The following ARHGAP44 variants were observed in gnomAD, a reference collection of about 807,000 sequenced individuals.
ARHGAP44 encodes rho GTPase-activating protein 44.
Under a neutral mutation model 106.8 loss-of-function variants are expected in ARHGAP44, and 43 were observed. The ratio of observed to expected loss-of-function variants is 0.40; its 90% confidence interval spans 0.32 to 0.52. The LOEUF is 0.52. ARHGAP44 is among the 20% of genes least tolerant of loss of function. The pLI is 0.48. For synonymous variants in ARHGAP44, 439 were observed against 410.3 expected (o/e 1.07, Z -0.85); for missense variants, 866 against 1,050.5 (o/e 0.82, Z 2.43).
rs372255404 is a variant in ARHGAP44 at position 12,956,684 on chromosome 17, C to T, written c.1280C>T (p.Ser427Leu). ...ATTACAGAGATGATGACCACAGTGT[C>T]GCTGCAAATTGTTGGGATCATTGAA... ...GNITEMMTTV[S>L]LQIVGIIEPI... Residue 427 changes from serine to leucine, a missense_variant, in exon 15 of 21, where the codon TCG becomes TTG. Transcript: ENST00000379672. 442 of 1,614,110 alleles carry T rather than the reference C, an allele frequency of 2.7e-4. No individual in the cohort carries two copies. The highest frequency in any genetic ancestry group is 4.9e-4 in the Middle Eastern group (3 of 6,062).
intron 1 of ARHGAP44, among the ~76,000 whole-genome samples, chr17:12,888,785 T>C (rs1477935291): frequency 1.3e-5 from 2 of 152,218 alleles, no homozygotes; most frequent in African/African-American, 4.8e-5. Context: ...TTGGTGGATA[T>C]ACACTTAGGA....
chr17:12,876,110 AC>A (rs1249119670), intron 1 of ARHGAP44, among the ~76,000 whole-genome samples: 1 of 151,804 alleles, frequency 6.6e-6, no homozygotes, highest in Non-Finnish European at 1.5e-5. Flanking sequence ...CCATACCCCC[AC>A]TCAGCTCTTT....
chr17:12,815,469 C>G (rs868671189), intron 1 of ARHGAP44, among the ~76,000 whole-genome samples: 17 of 152,098 alleles, frequency 1.1e-4, no homozygotes, highest in South Asian at 4.1e-4. Context: ...GAGGTAAAGA[C>G]TAAAAGATCA....
intron 1 of ARHGAP44, among the ~76,000 whole-genome samples, chr17:12,861,779 T>A (rs2036091867): frequency 6.6e-6 from 1 of 151,422 alleles, no homozygotes; most frequent in Non-Finnish European, 1.5e-5. Flanking sequence ...GGACTACAGG[T>A]ACCCACCACC....
chr17:12,967,825 G>A (rs976361126), intron 16 of ARHGAP44, among the ~76,000 whole-genome samples: 2 of 151,982 alleles, frequency 1.3e-5, no homozygotes, highest in Non-Finnish European at 2.9e-5. Context: ...CAGCATCAAC[G>A]AGCCATTTAT....
intron 4 of ARHGAP44, among the ~76,000 whole-genome samples, chr17:12,911,007 A>T (rs1322782149): frequency 6.7e-6 from 1 of 149,816 alleles, no homozygotes; most frequent in African/African-American, 2.4e-5. Flanking sequence ...AAAGGAAAAT[A>T]AAAAAAAATA....
chr17:12,987,021 CTT>C (rs3076704), intron 20 of ARHGAP44: 212,036 of 904,634 alleles, frequency 0.23, 6,029 homozygotes, highest in Middle Eastern at 0.25. Context: ...ATTGGCATAG[CTT>C]TTTTTTTTTT....
chr17:12,940,649 A>AGGG (rs2038681457), intron 7 of ARHGAP44, among the ~76,000 whole-genome samples: 1 of 152,230 alleles, frequency 6.6e-6, no homozygotes, highest in African/African-American at 2.4e-5. Flanking sequence ...TTGAGAATGA[A>AGGG]GGGAAGCAGA....
chr17:12,875,253 T>C (rs2036519214), intron 1 of ARHGAP44, among the ~76,000 whole-genome samples: 1 of 152,176 alleles, frequency 6.6e-6, no homozygotes, highest in South Asian at 2.1e-4. Context: ...TTTGGCATAC[T>C]GTGCTAAAAC....
chr17:12,942,181 C>G (rs1421405950), intron 8 of ARHGAP44, among the ~76,000 whole-genome samples: 1 of 152,186 alleles, frequency 6.6e-6, no homozygotes, highest in Non-Finnish European at 1.5e-5. Flanking sequence ...GAGTCTCGCT[C>G]TGTTGCCCAG....
At chr17:12,963,046 CAAAAAAAAAA>C (rs71369355) in intron 16 of ARHGAP44, among the ~76,000 whole-genome samples, 1 of 70,958 alleles carries the variant, frequency 1.4e-5, no homozygotes, top group South Asian at 4.3e-4. Flanking sequence ...AACACCATCT[CAAAAAAAAAA>C]AAAAAAAAAA....
At chr17:12,926,497 ATG>A (rs1403663532) in intron 6 of ARHGAP44, among the ~76,000 whole-genome samples, 7 of 143,342 alleles carry the variant, frequency 4.9e-5, no homozygotes, top group East Asian at 2.1e-4. Context: ...TGTATAATAT[ATG>A]TATATATATT....
chr17:12,894,507 G>A (rs988720475), intron 1 of ARHGAP44, among the ~76,000 whole-genome samples: 5 of 152,176 alleles, frequency 3.3e-5, no homozygotes, highest in Non-Finnish European at 5.9e-5. Context: ...TTGCCAGACC[G>A]TGGTGGTGGC....
intron 3 of ARHGAP44, among the ~76,000 whole-genome samples, chr17:12,901,450 G>T (rs1479259821): frequency 1.3e-5 from 2 of 152,108 alleles, no homozygotes; most frequent in Admixed American, 6.6e-5. Context: ...CTCATGGGTG[G>T]GGCCATGGTA....
chr17:12,958,695 A>G lies in ARHGAP44; in HGVS notation c.1343-22A>G, dbSNP rs1200056325. On this transcript the variant is annotated intron_variant, in intron 15 of 20. Coordinates refer to ENST00000379672, the MANE Select transcript of ARHGAP44 (RefSeq NM_014859.6). The surrounding 1 kb of genome is among the most constrained non-coding windows in gnomAD (Gnocchi z 4.1). ...TGTGGCAGACCAAGAGTTCACATGT[A>G]CCAATTCTTTCTTCCCCGCAGAGAT... 1.2e-6 allele frequency: 2 copies of G among 1,611,458 alleles called. No homozygotes were observed. Among genetic ancestry groups the G allele is most frequent in the Admixed American group, 3.3e-5 (2 of 59,922 alleles).
chr17:12,980,349 A>G, intron 19 of ARHGAP44, 116 bp downstream of exon 19: 1 of 1,114,504 alleles, frequency 9.0e-7, no homozygotes, highest in East Asian at 2.6e-5. Context: ...TTTAGTGACT[A>G]ATTCCCATCT....
chr17:12,915,795 T>G, intron 4 of ARHGAP44, 105 bp from the exon 5 acceptor site: 1 of 951,794 alleles, frequency 1.1e-6, no homozygotes, highest in Admixed American at 2.3e-5. Flanking sequence ...TTATTAACAC[T>G]GACTTGTGAA....
chr17:12,905,210 T>A (rs76262754), intron 3 of ARHGAP44, among the ~76,000 whole-genome samples: 1 of 152,030 alleles, frequency 6.6e-6, no homozygotes, highest in Non-Finnish European at 1.5e-5. Context: ...TCTTTTCCTA[T>A]AATAGATATG....
intron 1 of ARHGAP44, among the ~76,000 whole-genome samples, chr17:12,848,140 A>G (rs563397820): frequency 3.2e-4 from 48 of 152,352 alleles, no homozygotes; most frequent in African/African-American, 1.1e-3. Context: ...ATAGAGACAG[A>G]TATCAGACTG....
Sources: gnomAD v4.1 joint callset for allele counts (sites outside exome capture counted in the v4.1 genomes callset) on GRCh38, gnomAD v4.1.1 for gene constraint, Gnocchi (gnomAD v3.1) non-coding constraint, MANE v1.5 for transcripts, NCBI Gene and HGNC (gene_info 2026-07-23, HGNC 2026-07-21) for gene names.